Variants in ATP8B3 observed in about 807,000 individuals in gnomAD.
The protein encoded by ATP8B3 is phospholipid-transporting ATPase IK.
In ATP8B3, 141 loss-of-function variants were observed where a neutral mutation model predicts 140.9. That is an observed-to-expected ratio of 1.00 (90% CI 0.87 to 1.15). The LOEUF is 1.15. Among genes scored for constraint, ATP8B3 ranks in the 50% most tolerant of loss-of-function variants. The pLI, the probability that ATP8B3 is intolerant of heterozygous loss-of-function variation, is 0.00. For missense variants in ATP8B3, 1,874 were observed against 1,740.6 expected, an observed-to-expected ratio of 1.08 and a Z score of -1.36; for synonymous variants, 765 against 714.6, an observed-to-expected ratio of 1.07 and a Z score of -1.13.
rs1020990144 is a variant in ATP8B3 at position 1,800,311 on chromosome 19, A to C, written c.1291T>G (p.Trp431Gly). ...ACGCTGAGCAGGATGAGGAAGCTCC[A>C]GAAGACGAAGAAGGACTCTGCGGCC... ...SVAAESFFVF[W>G]SFLILLSVTI... The change falls in exon 13 of 29, where the codon TGG becomes GGG. Residue 431 changes from tryptophan to glycine, a missense_variant. Trp to Gly is a radical substitution (Grantham distance 184, BLOSUM62 -2). Around this residue, in one of 3 missense-constraint regions of ATP8B3, gnomAD observed 1,032 missense variants for 963.6 expected, o/e 1.07. Coordinates refer to ENST00000310127, the MANE Select transcript of ATP8B3 (RefSeq NM_138813.4). This position sits in a 1 kb window ranked among gnomAD's most constrained non-coding sequence, Gnocchi z 4.4. 6.2e-7 allele frequency: 1 copy of C among 1,612,856 alleles called. No individual in the cohort carries two copies. The highest frequency in any genetic ancestry group is 8.5e-7 in the Non-Finnish European group (1 of 1,179,872).
intron 10 of ATP8B3, among the ~76,000 whole-genome samples, chr19:1,803,132 G>A (rs954637010): frequency 8.5e-5 from 13 of 152,084 alleles, no homozygotes; most frequent in Non-Finnish European, 1.6e-4. Context: ...TTTGGGTGCC[G>A]GAGCCTGTCT....
At position 1,805,500 on chromosome 19, in the gene ATP8B3, T is replaced by C; in HGVS notation, c.822-44A>G. On this transcript the variant is annotated intron_variant, in intron 9 of 28. Coordinates refer to ENST00000310127, the MANE Select transcript of ATP8B3 (RefSeq NM_138813.4). This position sits in a 1 kb window ranked among gnomAD's most constrained non-coding sequence, Gnocchi z 5.2. ...GGGAGGTGAAAGTGGAGTTGATGGA[T>C]GCTTCGAGGAGCCCCCAGACCCCTT... The C allele has an allele frequency of 6.8e-7, 1 of 1,475,046 alleles. No homozygotes were observed. The highest frequency in any genetic ancestry group is 9.3e-7 in the Non-Finnish European group (1 of 1,077,404). 91.4% of individuals were successfully genotyped at this position (1,475,046 alleles called of 1,614,324 possible).
chr19:1,788,782 G>T, intron 24 of ATP8B3, 115 bp downstream of exon 24: 2 of 1,034,570 alleles, frequency 1.9e-6, no homozygotes, highest in Non-Finnish European at 2.8e-6. Flanking sequence ...GGCAAGCCCT[G>T]TCCACCGAGG....
chr19:1,800,362 G>A lies in ATP8B3; in HGVS notation c.1240C>T (p.Leu414Phe), dbSNP rs780468652. Residue 414 changes from leucine (L) to phenylalanine (F), a missense_variant, in exon 13 of 29, where the codon CTC (leucine) becomes TTC (phenylalanine). Transcript: ENST00000310127. The surrounding 1 kb of genome is among the most constrained non-coding windows in gnomAD (Gnocchi z 4.4). ...VKEFKDHHYY[L>F]SGVHGSSVAA... ...ACGCTGCTCCCATGCACCCCCGAGA[G>A]GTAGTAGTGGTGGTCTTTGAATTCT... 6.2e-7 allele frequency: 1 copy of A among 1,612,978 alleles called. No homozygotes were observed. Among genetic ancestry groups the A allele is most frequent in the South Asian group, 1.1e-5 (1 of 91,070 alleles).
At position 1,796,755 on chromosome 19, in the gene ATP8B3, A is replaced by G. The variant is rs376289308; in HGVS notation, c.1709T>C (p.Ile570Thr). Residue 570 changes from isoleucine to threonine, a missense_variant, in exon 16 of 29, where the codon ATC (isoleucine) becomes ACC (threonine). Ile to Thr is a moderately conservative substitution (Grantham distance 89). This residue lies in a region of ATP8B3 where 1,032 missense variants were observed against 963.6 expected (regional missense o/e 1.07). Coordinates refer to ENST00000310127, the MANE Select transcript of ATP8B3 (RefSeq NM_138813.4). ...AVREFWRLLA[I>T]CHTVMVRESP... Reference sequence around the variant, plus strand: ...CTCCCGCACCATCACCGTGTGGCAGATGGCCAGCAGGCGCCAGAACTCCCG... The same window carrying G: ...CTCCCGCACCATCACCGTGTGGCAGGTGGCCAGCAGGCGCCAGAACTCCCG... The G allele has an allele frequency of 5.0e-6, 8 of 1,612,086 alleles. No individual in the cohort carries two copies. The highest frequency in any genetic ancestry group is 1.7e-5 in the Admixed American group (1 of 59,970).
chr19:1,793,601 C>T (rs1284312592), intron 18 of ATP8B3, among the ~76,000 whole-genome samples: 1 of 152,236 alleles, frequency 6.6e-6, no homozygotes, highest in African/African-American at 2.4e-5. Flanking sequence ...GGAAACTGGG[C>T]AGGCCCAGAG....
intron 18 of ATP8B3, among the ~76,000 whole-genome samples, chr19:1,793,989 G>A (rs762107708): frequency 4.0e-5 from 6 of 151,848 alleles, no homozygotes; most frequent in African/African-American, 7.3e-5. Flanking sequence ...TGATCTGCCC[G>A]CCTCCCAAAG....
rs562282929 is a variant in ATP8B3 at position 1,785,801 on chromosome 19, A to T, written c.3154-93T>A. On this transcript the variant is annotated intron_variant, in intron 25 of 28. Coordinates refer to ENST00000310127, the MANE Select transcript of ATP8B3 (RefSeq NM_138813.4). ...CCTCGGGCAGGCCAGTAGGGTGGCC[A>T]CTCTCTGTGTGTGGCTCTTTGAGTT... The T allele has an allele frequency of 1.4e-5, 19 of 1,359,980 alleles. 1 individual carries two copies. The South Asian group carries it at 2.6e-4, about 19-fold the overall frequency. The allele number at this position is 1,359,980 out of a possible 1,614,324, so 84.2% of individuals were successfully genotyped here. A position where few individuals can be genotyped will look rare whatever the true frequency, so the allele number is the denominator to read the frequency against.
intron 16 of ATP8B3, 126 bp downstream of exon 16, chr19:1,796,585 C>A: frequency 3.2e-6 from 4 of 1,257,842 alleles, no homozygotes; most frequent in African/African-American, 1.5e-5. Context: ...GGTGTCACAC[C>A]GGCCTCAGCG....
intron 3 of ATP8B3, 96 bp from the exon 4 acceptor site, chr19:1,809,830 C>CATG: frequency 2.5e-6 from 3 of 1,188,054 alleles, no homozygotes; most frequent in East Asian, 2.6e-5. Flanking sequence ...CCGTGGGACC[C>CATG]AGGCACTGGG....
chr19:1,783,307 C>T (rs780251979), intron 28 of ATP8B3, 37 bp from the exon 29 acceptor site: 9 of 1,584,970 alleles, frequency 5.7e-6, no homozygotes, highest in Non-Finnish European at 6.9e-6. Context: ...AAGCAGACTC[C>T]TATGCTTGGC....
In ATP8B3 at chr19:1,805,177, GT is replaced by G. The variant is rs1180951178; in HGVS notation, c.904+196del. 1 of 618,894 alleles carries G rather than the reference GT, an allele frequency of 1.6e-6. No individual in the cohort carries two copies. 38.3% of individuals were successfully genotyped at this position (618,894 alleles called of 1,614,324 possible). On this transcript the variant is annotated intron_variant, in intron 10 of 28. Transcript: ENST00000310127. The surrounding 1 kb of genome is among the most constrained non-coding windows in gnomAD (Gnocchi z 5.2). ...TTTTGTAGAGATGGGGTCTCGTTAT[GT>G]TGTCCAGGCTGGTCTTGAATTCCTG...
At position 1,791,732 on chromosome 19, in the gene ATP8B3, G is replaced by T; in HGVS notation, c.2302+18C>A. On this transcript the variant is annotated intron_variant, in intron 20 of 28. Transcript: ENST00000310127. Reference sequence around the variant, plus strand: ...CATGCTGCAGGGGCTTAGCCACCCGGAGCTGCCCGGGACTCACCCTGCTTG... The same window carrying T: ...CATGCTGCAGGGGCTTAGCCACCCGTAGCTGCCCGGGACTCACCCTGCTTG... 6.3e-7 allele frequency: 1 copy of T among 1,594,148 alleles called. No individual in the cohort carries two copies. Among genetic ancestry groups the T allele is most frequent in the African/African-American group, 1.3e-5 (1 of 74,678 alleles).
At chr19:1,789,219 T>A (rs12985252) in intron 23 of ATP8B3, 99 bp from the exon 24 acceptor site, 13 of 742,930 alleles carry the variant, frequency 1.7e-5, no homozygotes, top group Non-Finnish European at 2.7e-5. Flanking sequence ...GCCCCCCCCA[T>A]CTGCTTCAGG....
Position 1,783,118 on chromosome 19 carries a change from C to A in ATP8B3, c.3813G>T (p.Arg1271=). The change falls in exon 29 of 29, where the codon CGG becomes CGT. Residue 1271 remains arginine, a synonymous_variant. Coordinates refer to ENST00000310127, the MANE Select transcript of ATP8B3 (RefSeq NM_138813.4). ...TGTCACTGCTGACCCCTGGTCCCCTCCGCAGAATTGTGCCCTGAGTGATGA... is the reference window on the plus strand; with the variant it reads ...TGTCACTGCTGACCCCTGGTCCCCTACGCAGAATTGTGCCCTGAGTGATGA... The part of the protein sequence containing the change: ...ANLITQGTIL[R]RGPGVSSDIA... The A allele has an allele frequency of 6.2e-7, 1 of 1,613,662 alleles. No homozygotes were observed. The highest frequency in any genetic ancestry group is 8.5e-7 in the Non-Finnish European group (1 of 1,179,816).
rs1426964671 is a variant in ATP8B3 at position 1,811,618 on chromosome 19, G to A, written c.119C>T (p.Pro40Leu). 3 of 1,611,934 alleles carry A rather than the reference G, an allele frequency of 1.9e-6. No individual in the cohort carries two copies. Among genetic ancestry groups the A allele is most frequent in the African/African-American group, 1.3e-5 (1 of 74,930 alleles). Reference protein sequence around the residue: ...DSDVTQEGSGPAGIRGGETVI... With the variant: ...DSDVTQEGSGLAGIRGGETVI... Reference sequence around the variant, plus strand: ...CGTCTCACCTCCGCGGATGCCAGCAGGACCTGAGCCTTCCTGAGTCACGTC... The same window carrying A: ...CGTCTCACCTCCGCGGATGCCAGCAAGACCTGAGCCTTCCTGAGTCACGTC... Residue 40 changes from proline (P) to leucine (L), a missense_variant, in exon 2 of 29, where the codon CCT (proline) becomes CTT (leucine). Pro to Leu is a moderately conservative substitution (Grantham distance 98). Transcript: ENST00000310127.
chr19:1,807,162 A>G lies in ATP8B3; in HGVS notation c.615+6T>C, dbSNP rs758871861. ...CCCCCAGGCAGCTGCATCCAACAGC[A>G]CTCACCATGTCGTCCACCAGGTCCC... is the stretch of plus-strand genomic sequence containing the variant. On this transcript the variant is annotated splice_donor_region_variant and intron_variant, in intron 6 of 28. Transcript: ENST00000310127. This position sits in a 1 kb window ranked among gnomAD's most constrained non-coding sequence, Gnocchi z 5.9. 1 of 1,609,170 alleles carries G rather than the reference A, an allele frequency of 6.2e-7. No homozygotes were observed. The highest frequency in any genetic ancestry group is 8.5e-7 in the Non-Finnish European group (1 of 1,177,414).
rs1014512319 is a variant in ATP8B3, at chr19:1,806,468, C to T, written c.677+160G>A. The T allele has an allele frequency of 3.1e-5, 45 of 1,465,306 alleles. No individual in the cohort carries two copies. The highest frequency in any genetic ancestry group is 1.7e-4 in the Admixed American group (7 of 41,958). The allele number at this position is 1,465,306 out of a possible 1,614,324, so 90.8% of individuals were successfully genotyped here. ...AGGGCCTCGGCCTCTGTCCTCGTCC[C>T]GGCCAAACGCCTAATGAATGCAGGC... On this transcript the variant is annotated intron_variant, in intron 7 of 28. Coordinates refer to ENST00000310127, the MANE Select transcript of ATP8B3 (RefSeq NM_138813.4). The surrounding 1 kb of genome is among the most constrained non-coding windows in gnomAD (Gnocchi z 5.6).
rs1432005823 is a variant in ATP8B3, at chr19:1,787,351, G to A, written c.3070-165C>T. 2.6e-5 allele frequency among the ~76,000 whole-genome samples: 4 copies of A among 152,162 alleles called. No individual in the cohort carries two copies. In the East Asian group the frequency reaches 5.8e-4, roughly 22 times the overall value. ...GGGTGAAGTGCGGCCTGATAAAGGC[G>A]GCAAGATAAAGGGAGGGAGGAAAGC... is the stretch of plus-strand genomic sequence containing the variant. On this transcript the variant is annotated intron_variant, in intron 24 of 28. Transcript: ENST00000310127.
Sources: allele counts gnomAD v4.1 joint callset (sites outside exome capture counted in the v4.1 genomes callset), GRCh38; gene constraint gnomAD v4.1.1; regional missense constraint gnomAD v4.1.1; non-coding constraint Gnocchi (gnomAD v3.1); transcripts MANE v1.5; gene names NCBI Gene and HGNC (gene_info 2026-07-23, HGNC 2026-07-21).